GPM6A: variants seen among roughly 807,000 people sequenced by gnomAD.
The protein encoded by GPM6A is neuronal membrane glycoprotein M6-a.
A neutral mutation model predicts 32.1 loss-of-function variants in GPM6A; 7 were observed. That is an observed-to-expected ratio of 0.22 (90% CI 0.12 to 0.41). The LOEUF (loss-of-function observed/expected upper bound fraction) is 0.41, where lower values mean the gene tolerates loss of function less well. Ranked by LOEUF, GPM6A falls within the 10% of genes least tolerant of loss-of-function variation. GPM6A has a pLI of 1.00. For missense variants in GPM6A, 235 were observed against 347.2 expected (o/e 0.68, Z 2.57); for synonymous variants, 130 against 123.4 (o/e 1.05, Z -0.35).
At chr4:175,997,599 A>T (rs1384963088) in intron 1 of GPM6A, among the ~76,000 whole-genome samples, 1 of 152,064 alleles carries the variant, frequency 6.6e-6, no homozygotes, top group African/African-American at 2.4e-5. Context: ...GGCATAAGGG[A>T]TTATCATCTG....
chr4:175,758,299 A>C (rs2111203167), intron 1 of GPM6A, among the ~76,000 whole-genome samples: 1 of 152,312 alleles, frequency 6.6e-6, no homozygotes, highest in South Asian at 2.1e-4. Context: ...AAAAATTGGA[A>C]AAAATATAAA....
chr4:175,791,883 C>T (rs1734027402), intron 1 of GPM6A, among the ~76,000 whole-genome samples: 1 of 152,134 alleles, frequency 6.6e-6, no homozygotes, highest in South Asian at 2.1e-4. Flanking sequence ...CCCAGAAATA[C>T]TTCCATTTAT....
chr4:175,803,314 AAC>A (rs1157654408), intron 1 of GPM6A, among the ~76,000 whole-genome samples: 2 of 152,178 alleles, frequency 1.3e-5, no homozygotes, highest in Non-Finnish European at 2.9e-5. Context: ...GCTACAGCAT[AAC>A]ACATACATAA....
chr4:175,770,211 A>G (rs962470016), intron 1 of GPM6A, among the ~76,000 whole-genome samples: 1 of 152,142 alleles, frequency 6.6e-6, no homozygotes, highest in Non-Finnish European at 1.5e-5. Flanking sequence ...TACTTAGTAG[A>G]GACAGGGTTT....
intron 1 of GPM6A, among the ~76,000 whole-genome samples, chr4:175,882,178 T>C (rs1318294089): frequency 6.6e-6 from 1 of 152,122 alleles, no homozygotes; most frequent in East Asian, 1.9e-4. Context: ...AAAGACATAA[T>C]TGTTTTCCAT....
intron 1 of GPM6A, among the ~76,000 whole-genome samples, chr4:175,734,416 G>A (rs944781893): frequency 1.6e-4 from 25 of 152,112 alleles, no homozygotes; most frequent in African/African-American, 6.0e-4. Context: ...AGTTCTGCGT[G>A]ATTGGCCACA....
intron 1 of GPM6A, among the ~76,000 whole-genome samples, chr4:175,981,588 A>G (rs376884111): frequency 2.0e-4 from 31 of 152,300 alleles, no homozygotes; most frequent in African/African-American, 7.0e-4. Flanking sequence ...ACTGCTGAGT[A>G]GAATTCCATC....
At chr4:175,825,315 G>C (rs1735399747) in intron 1 of GPM6A, among the ~76,000 whole-genome samples, 1 of 152,172 alleles carries the variant, frequency 6.6e-6, no homozygotes, top group Admixed American at 6.6e-5. Flanking sequence ...ATTGATTTAA[G>C]AGGAAATGCA....
chr4:175,997,671 G>A (rs934463178), intron 1 of GPM6A, among the ~76,000 whole-genome samples: 3 of 151,130 alleles, frequency 2.0e-5, no homozygotes, highest in Non-Finnish European at 4.4e-5. Context: ...GGGTGTCATA[G>A]TTTTCCTGAA....
At chr4:175,996,650 T>C (rs1741316472) in intron 1 of GPM6A, among the ~76,000 whole-genome samples, 1 of 152,214 alleles carries the variant, frequency 6.6e-6, no homozygotes, top group African/African-American at 2.4e-5. Flanking sequence ...CACCCAGGCA[T>C]GAATTTCCAC....
chr4:175,731,700 G>A (rs1350821246), intron 1 of GPM6A, among the ~76,000 whole-genome samples: 3 of 152,130 alleles, frequency 2.0e-5, no homozygotes, highest in Non-Finnish European at 4.4e-5. Context: ...GTTAGATGAC[G>A]TCACTCCCTT....
intron 1 of GPM6A, among the ~76,000 whole-genome samples, chr4:175,736,809 G>A (rs977324085): frequency 1.8e-4 from 28 of 152,288 alleles, no homozygotes; most frequent in African/African-American, 5.8e-4. Context: ...CCAAGAGACA[G>A]CATATATGAC....
At chr4:175,919,352 A>C (rs965350606) in intron 1 of GPM6A, among the ~76,000 whole-genome samples, 2 of 152,174 alleles carry the variant, frequency 1.3e-5, no homozygotes, top group African/African-American at 4.8e-5. Flanking sequence ...CCAGGATCTC[A>C]CCTTTTTAAT....
At chr4:175,693,199 T>A (rs1053751752) in intron 2 of GPM6A, among the ~76,000 whole-genome samples, 2 of 150,970 alleles carry the variant, frequency 1.3e-5, no homozygotes, top group South Asian at 2.1e-4. Flanking sequence ...ATCACCTAAG[T>A]TTTTTTCTGA....
chr4:175,924,759 G>A (rs1738777316), intron 1 of GPM6A, among the ~76,000 whole-genome samples: 1 of 149,620 alleles, frequency 6.7e-6, no homozygotes. Context: ...AGAATCACTT[G>A]AACCTAGGAG....
At chr4:175,890,548 TTTATTTTATTTTA>T (rs1276548962) in intron 1 of GPM6A, among the ~76,000 whole-genome samples, 29 of 151,314 alleles carry the variant, frequency 1.9e-4, no homozygotes, top group South Asian at 1.9e-3. Flanking sequence ...ATGTTTTTAT[TTTATTTTATTTTA>T]TTATTTTATT....
At chr4:175,938,207 T>C (rs953877867) in intron 1 of GPM6A, among the ~76,000 whole-genome samples, 29 of 152,180 alleles carry the variant, frequency 1.9e-4, no homozygotes, top group African/African-American at 7.0e-4. Flanking sequence ...ATTTTGTACA[T>C]GTCAAAGTAA....
rs551475912 is a variant in GPM6A at position 175,681,804 on chromosome 4, A to G, written c.231-7968T>C. On this transcript the variant is annotated intron_variant, in intron 2 of 6. Coordinates refer to ENST00000393658, the MANE Select transcript of GPM6A (RefSeq NM_201591.3). ...ACCTGCAGAACCATGAGCCAATTAA[A>G]TCTCTTTACTAATTGCCCAGTTTCA... Among the ~76,000 whole-genome samples the G allele has an allele frequency of 4.0e-4, 61 of 152,246 alleles. 1 individual carries two copies. Among genetic ancestry groups the G allele is most frequent in the African/African-American group, 1.5e-3 (61 of 41,560 alleles).
At chr4:175,764,846 CATT>C (rs56700410) in intron 1 of GPM6A, among the ~76,000 whole-genome samples, 10,286 of 140,418 alleles carry the variant, frequency 0.073, 409 homozygotes, top group African/African-American at 0.1. Context: ...AACCCAAAGG[CATT>C]ATTATTATTA....
Sources: gnomAD v4.1 joint callset for allele counts (sites outside exome capture counted in the v4.1 genomes callset) on GRCh38, gnomAD v4.1.1 for gene constraint, MANE v1.5 for transcripts, NCBI Gene and HGNC (gene_info 2026-07-23, HGNC 2026-07-21) for gene names.